CCDC102B: variants seen among roughly 807,000 people sequenced by gnomAD.
CCDC102B encodes the protein coiled-coil domain containing 102B.
CCDC102B carries 75 observed loss-of-function variants against 57.4 expected under a neutral mutation model. The ratio of observed to expected loss-of-function variants is 1.31; its 90% CI spans 1.08 to 1.58. CCDC102B has a LOEUF of 1.58. Ranked by LOEUF, CCDC102B falls within the 40% of genes most tolerant of loss-of-function variation. The pLI, the probability that CCDC102B is intolerant of heterozygous loss-of-function variation, is 0.00. For synonymous variants in CCDC102B, 206 were observed against 201.9 expected, an observed-to-expected ratio of 1.02 and a Z score of -0.17; for missense variants, 636 against 582.6, an observed-to-expected ratio of 1.09 and a Z score of -0.94.
At chr18:69,021,358 G>C (rs2051827582) in intron 7 of CCDC102B, among the ~76,000 whole-genome samples, 1 of 152,172 alleles carries the variant, frequency 6.6e-6, no homozygotes, top group South Asian at 2.1e-4. Context: ...TTTTAGGTAA[G>C]ATTAAAAAGA....
chr18:68,962,069 C>G (rs2050060604), intron 6 of CCDC102B, among the ~76,000 whole-genome samples: 1 of 152,034 alleles, frequency 6.6e-6, no homozygotes. Flanking sequence ...AAAAAGCAGC[C>G]AAATTGGTAT....
chr18:68,938,259 A>G (rs1689020621), intron 6 of CCDC102B, among the ~76,000 whole-genome samples: 1 of 152,096 alleles, frequency 6.6e-6, no homozygotes, highest in South Asian at 2.1e-4. Flanking sequence ...CAGAATGAAT[A>G]TTAAACTTCT....
chr18:68,870,947 A>G (rs7234159), intron 4 of CCDC102B, among the ~76,000 whole-genome samples: 151,994 of 152,300 alleles, frequency 1, 75,845 homozygotes, highest in Middle Eastern at 1. Context: ...AATACTTTAC[A>G]TTACACAACA....
At chr18:68,720,120 A>G (rs1405321393) in intron 2 of CCDC102B, among the ~76,000 whole-genome samples, 1 of 152,258 alleles carries the variant, frequency 6.6e-6, no homozygotes, top group Non-Finnish European at 1.5e-5. Flanking sequence ...GAATTTATAT[A>G]CTTCAACCTG....
intron 2 of CCDC102B, among the ~76,000 whole-genome samples, chr18:68,746,143 T>G (rs1456940384): frequency 6.6e-6 from 1 of 152,204 alleles, no homozygotes; most frequent in African/African-American, 2.4e-5. Flanking sequence ...GTCCTAATCC[T>G]TAGAAACAGA....
intron 4 of CCDC102B, among the ~76,000 whole-genome samples, chr18:68,860,000 C>A (rs2038659241): frequency 1.2e-5 from 1 of 82,516 alleles, no homozygotes; most frequent in Admixed American, 1.4e-4. Flanking sequence ...GACACATGCA[C>A]ACGTATGTTT....
chr18:69,043,026 T>C (rs373719253), intron 7 of CCDC102B, among the ~76,000 whole-genome samples: 1 of 152,108 alleles, frequency 6.6e-6, no homozygotes, highest in African/African-American at 2.4e-5. Flanking sequence ...TTAGTATTTA[T>C]TGATCATTCG....
At chr18:68,885,815 G>A (rs765658624) in intron 5 of CCDC102B, among the ~76,000 whole-genome samples, 8 of 152,026 alleles carry the variant, frequency 5.3e-5, no homozygotes, top group Non-Finnish European at 1.0e-4. Context: ...CCAGGATTAT[G>A]ATGAAAGTTG....
At chr18:69,001,609 C>T (rs575330336) in intron 6 of CCDC102B, among the ~76,000 whole-genome samples, 45 of 152,258 alleles carry the variant, frequency 3.0e-4, no homozygotes, top group South Asian at 1.0e-3. Context: ...GGTTCCTCCC[C>T]GATGCAAACA....
chr18:68,897,002 C>T (rs1347681742), intron 5 of CCDC102B, among the ~76,000 whole-genome samples: 2 of 152,044 alleles, frequency 1.3e-5, no homozygotes, highest in South Asian at 2.1e-4. Context: ...GAGATAGTTA[C>T]ATGAACCAAG....
At chr18:68,816,468 T>C (rs1490715418) in intron 1 of CCDC102B, among the ~76,000 whole-genome samples, 18 of 127,054 alleles carry the variant, frequency 1.4e-4, no homozygotes, top group African/African-American at 5.4e-4. Context: ...TCTTTTTTTT[T>C]TTTTTTTTTT....
At chr18:68,720,564 A>T (rs924465052) in intron 2 of CCDC102B, among the ~76,000 whole-genome samples, 1 of 152,240 alleles carries the variant, frequency 6.6e-6, no homozygotes, top group Non-Finnish European at 1.5e-5. Flanking sequence ...TGACCCTTAT[A>T]GAAAGAAGAA....
intron 4 of CCDC102B, 101 bp downstream of exon 4, chr18:68,846,522 G>A (rs1240301648): frequency 3.1e-6 from 2 of 642,424 alleles, no homozygotes; most frequent in African/African-American, 1.9e-5. Flanking sequence ...TAAGAGGAAG[G>A]GAGGTTAAAA....
At chr18:68,717,047 A>C (rs1045003211) in intron 2 of CCDC102B, among the ~76,000 whole-genome samples, 2 of 150,916 alleles carry the variant, frequency 1.3e-5, no homozygotes, top group African/African-American at 2.4e-5. Context: ...ACTGCACTCC[A>C]GCCTGGGCGA....
intron 6 of CCDC102B, among the ~76,000 whole-genome samples, chr18:68,991,357 G>A (rs1469553125): frequency 6.6e-6 from 1 of 152,142 alleles, no homozygotes; most frequent in African/African-American, 2.4e-5. Context: ...ATTTTCAACA[G>A]CAACAAAAAG....
At chr18:68,759,338 T>C (rs1211419229) in intron 2 of CCDC102B, among the ~76,000 whole-genome samples, 1 of 152,074 alleles carries the variant, frequency 6.6e-6, no homozygotes, top group African/African-American at 2.4e-5. Context: ...AGAAATGAGT[T>C]GCCATATTTA....
chr18:69,018,116 T>C (rs777994937), intron 7 of CCDC102B, among the ~76,000 whole-genome samples: 36 of 152,220 alleles, frequency 2.4e-4, no homozygotes, highest in Non-Finnish European at 4.8e-4. Context: ...TATCCAACAA[T>C]GGACACTTAG....
intron 7 of CCDC102B, among the ~76,000 whole-genome samples, chr18:69,021,295 G>C (rs2051826129): frequency 6.6e-6 from 1 of 152,154 alleles, no homozygotes; most frequent in African/African-American, 2.4e-5. Context: ...AAGATTATGA[G>C]AATAGTGATA....
At chr18:68,865,931 TA>T (rs2038957839) in intron 4 of CCDC102B, among the ~76,000 whole-genome samples, 1 of 152,186 alleles carries the variant, frequency 6.6e-6, no homozygotes. Flanking sequence ...ACAACTCTAG[TA>T]AACTTAAACT....
Sources: gnomAD v4.1 joint callset for allele counts (sites outside exome capture counted in the v4.1 genomes callset) on GRCh38, gnomAD v4.1.1 for gene constraint, MANE v1.5 for transcripts, NCBI Gene and HGNC (gene_info 2026-07-23, HGNC 2026-07-21) for gene names.